The following STAC2 variants were observed in gnomAD, a reference collection of about 807,000 sequenced individuals.
The protein encoded by STAC2 is SH3 and cysteine rich domain 2, also known as SH3 and cysteine-rich domain-containing protein 2.
In STAC2, 36 loss-of-function variants were observed where a neutral mutation model predicts 49.0. The ratio of observed to expected loss-of-function variants is 0.74; its 90% CI spans 0.56 to 0.97. The LOEUF is 0.97. Among genes scored for constraint, STAC2 ranks in the 50% least tolerant of loss-of-function variants. STAC2 has a pLI of 0.00. For missense variants in STAC2, 527 were observed against 543.8 expected (o/e 0.97, Z 0.31); for synonymous variants, 239 against 214.7 (o/e 1.11, Z -0.99).
chr17:39,212,207 T>A lies in STAC2; in HGVS notation c.*85A>T. ...GGACAGAGGGAGGAAGGGTATGGAG[T>A]GGACAAGGGGGCCTGATCCCCTCCC... On this transcript the variant is annotated 3_prime_UTR_variant, in exon 11 of 11. Coordinates refer to ENST00000333461, the MANE Select transcript of STAC2 (RefSeq NM_198993.5). 2.1e-6 allele frequency: 2 copies of A among 951,554 alleles called. No homozygotes were observed. Among genetic ancestry groups the A allele is most frequent in the South Asian group, 3.0e-5 (2 of 67,246 alleles). 58.9% of individuals were successfully genotyped at this position (951,554 alleles called of 1,614,324 possible). A position where few individuals can be genotyped will look rare whatever the true frequency, so the allele number is the denominator to read the frequency against.
At position 39,225,279 on chromosome 17, in the gene STAC2, A is replaced by G. The variant is rs2046501356; in HGVS notation, c.90+134T>C. ...TCGCCAACCCACTCCTACCCCCGGG[A>G]GCGGCGCGGAGCCTCAGTGGTCACG... On this transcript the variant is annotated intron_variant, in intron 1 of 10. Transcript: ENST00000333461. The surrounding 1 kb of genome is among the most constrained non-coding windows in gnomAD (Gnocchi z 8.2). 3.0e-6 allele frequency: 2 copies of G among 677,412 alleles called. No homozygotes were observed. Among genetic ancestry groups the G allele is most frequent in the Non-Finnish European group, 2.3e-6 (1 of 426,738 alleles). The allele number at this position is 677,412 out of a possible 1,614,324, so 42.0% of individuals were successfully genotyped here.
intron 1 of STAC2, among the ~76,000 whole-genome samples, 156 bp from the exon 2 acceptor site, chr17:39,218,329 G>A (rs2046429127): frequency 6.6e-6 from 1 of 152,126 alleles, no homozygotes; most frequent in South Asian, 2.1e-4. Flanking sequence ...GCAACAGAGA[G>A]GCTCCCCAGG....
intron 10 of STAC2, 129 bp downstream of exon 10, chr17:39,212,866 A>G (rs2046366170): frequency 6.9e-7 from 1 of 1,452,064 alleles, no homozygotes; most frequent in Non-Finnish European, 9.2e-7. Flanking sequence ...CTTTCTTTCT[A>G]ACCCGCTTTC....
chr17:39,212,809 AC>A (rs1172835099), intron 10 of STAC2, among the ~76,000 whole-genome samples, 185 bp downstream of exon 10: 1 of 152,242 alleles, frequency 6.6e-6, no homozygotes, highest in African/African-American at 2.4e-5. Flanking sequence ...TCTGTTGGTC[AC>A]CAGCCCAAAT....
Position 39,212,640 on chromosome 17 carries a change from T to C in STAC2, c.1132-244A>G, listed in dbSNP as rs116538981. ...TGACCTTGGAGATTAGCCGCTGTAC[T>C]GCCCTGCCTCACCCCCATCACAGAG... On this transcript the variant is annotated intron_variant, in intron 10 of 10. Coordinates refer to ENST00000333461, the MANE Select transcript of STAC2 (RefSeq NM_198993.5). 4.7e-3 allele frequency among the ~76,000 whole-genome samples: 712 copies of C among 152,306 alleles called. 9 individuals are homozygous for C. Among genetic ancestry groups the C allele is most frequent in the African/African-American group, 0.016 (673 of 41,550 alleles).
rs761722716 is a variant in STAC2, at chr17:39,213,524, TAG to T, written c.974_975del (p.Ser325Ter). The T allele has an allele frequency of 9.9e-6, 16 of 1,613,656 alleles. No homozygotes were observed. In the African/African-American group the frequency reaches 2.1e-4, roughly 22 times the overall value. On this transcript the variant is annotated frameshift_variant, in exon 9 of 11. Coordinates refer to ENST00000333461, the MANE Select transcript of STAC2 (RefSeq NM_198993.5). LOFTEE classifies it high-confidence loss of function. The part of the protein sequence containing the change: ...PGDRIMLVDD[S>X]NEDWWKGKIG... ...CAAGTCACCTTCCACCAGTCCTCGT[TAG>T]AGTCATCCACCAGCATGATCCGATC... is the stretch of plus-strand genomic sequence containing the variant.
Position 39,225,142 on chromosome 17 carries a change from C to A in STAC2, c.90+271G>T, listed in dbSNP as rs1036967124. Among the ~76,000 whole-genome samples, 37 of 152,196 alleles carry A rather than the reference C, an allele frequency of 2.4e-4. No individual in the cohort carries two copies. The highest frequency in any genetic ancestry group is 8.7e-4 in the African/African-American group (36 of 41,462). Reference sequence around the variant, plus strand: ...CACCGCTCCACGCGCGCCCTCCGGCCTCGCTGCGCCCATCTCTCCAACGAA... The same window carrying A: ...CACCGCTCCACGCGCGCCCTCCGGCATCGCTGCGCCCATCTCTCCAACGAA... On this transcript the variant is annotated intron_variant, in intron 1 of 10. Coordinates refer to ENST00000333461, the MANE Select transcript of STAC2 (RefSeq NM_198993.5). This position sits in a 1 kb window ranked among gnomAD's most constrained non-coding sequence, Gnocchi z 8.2.
In STAC2 at chr17:39,211,209, GACC is replaced by G. The variant is rs2046351519; in HGVS notation, c.*1080_*1082del. 1 of 152,344 alleles carries G rather than the reference GACC, an allele frequency of 6.6e-6. No homozygotes were observed. Among genetic ancestry groups the G allele is most frequent in the Non-Finnish European group, 1.5e-5 (1 of 68,080 alleles). The allele number at this position is 152,344 out of a possible 1,614,324, so 9.4% of individuals were successfully genotyped here. A position where few individuals can be genotyped will look rare whatever the true frequency, so the allele number is the denominator to read the frequency against. On this transcript the variant is annotated 3_prime_UTR_variant, in exon 11 of 11. Transcript: ENST00000333461. ...CCTGACAGTGAAATGGGTTTGCTTTGACCAAGCACGGGCCAGGATTTTGTTCTC... is the reference window on the plus strand; with the variant it reads ...CCTGACAGTGAAATGGGTTTGCTTTGAAGCACGGGCCAGGATTTTGTTCTC...
chr17:39,225,864 G>GC lies in STAC2; in HGVS notation c.-363dup, dbSNP rs1260461251. On this transcript the variant is annotated 5_prime_UTR_variant, in exon 1 of 11. Transcript: ENST00000333461. The surrounding 1 kb of genome is among the most constrained non-coding windows in gnomAD (Gnocchi z 8.2). ...GCCGGCTCCGCCGTCCGCTGCGCCC[G>GC]CCCCCCATCCCCTCCCCTCCCCCGC... is the stretch of plus-strand genomic sequence containing the variant. The GC allele has an allele frequency of 4.1e-6, 1 of 246,562 alleles. No individual in the cohort carries two copies. The highest frequency in any genetic ancestry group is 7.9e-6 in the Non-Finnish European group (1 of 127,354). The allele number at this position is 246,562 out of a possible 1,614,324, so 15.3% of individuals were successfully genotyped here. A position where few individuals can be genotyped will look rare whatever the true frequency, so the allele number is the denominator to read the frequency against.
Position 39,213,074 on chromosome 17 carries a change from G to T in STAC2, c.1052C>A (p.Pro351Gln). 1 of 1,613,422 alleles carries T rather than the reference G, an allele frequency of 6.2e-7. No homozygotes were observed. The highest frequency in any genetic ancestry group is 8.5e-7 in the Non-Finnish European group (1 of 1,180,032). ...GCAGCAGCGCCAAACATTCTCGCCT[G>T]GCCTCACCCGTTGCACAAAATTAGC... ...FPANFVQRVR[P>Q]GENVWRCCQP... is the part of the protein sequence containing the mutation. Residue 351 changes from proline (P) to glutamine (Q), a missense_variant, in exon 10 of 11, where the codon CCA (proline) becomes CAA (glutamine). Pro to Gln is a moderately conservative substitution (Grantham distance 76, BLOSUM62 -1). Coordinates refer to ENST00000333461, the MANE Select transcript of STAC2 (RefSeq NM_198993.5).
At position 39,211,952 on chromosome 17, in the gene STAC2, C is replaced by T; in HGVS notation, c.*340G>A. On this transcript the variant is annotated 3_prime_UTR_variant, in exon 11 of 11. Transcript: ENST00000333461. ...GTGGGCAGGGGAAGGCTGGGAGAAG[C>T]AGCAAATAAATTCCCCAGGAATCTT... The T allele has an allele frequency of 4.1e-6, 1 of 245,198 alleles. No homozygotes were observed. Among genetic ancestry groups the T allele is most frequent in the South Asian group, 7.1e-5 (1 of 14,084 alleles). The allele number at this position is 245,198 out of a possible 1,614,324, so 15.2% of individuals were successfully genotyped here.
chr17:39,210,735 C>T lies in STAC2; in HGVS notation c.*1557G>A, dbSNP rs519512. On this transcript the variant is annotated 3_prime_UTR_variant, in exon 11 of 11. Coordinates refer to ENST00000333461, the MANE Select transcript of STAC2 (RefSeq NM_198993.5). ...GAAGTGGGGCAGGGGCCTTTGGGTA[C>T]GAGGGTCTGTGTTTCTCCCACTGCA... The T allele has an allele frequency of 0.064, 9,647 of 151,724 alleles. 328 individuals are homozygous for T. Among genetic ancestry groups the T allele is most frequent in the Non-Finnish European group, 0.075 (5,115 of 67,918 alleles). 9.4% of individuals were successfully genotyped at this position (151,724 alleles called of 1,614,324 possible). A position where few individuals can be genotyped will look rare whatever the true frequency, so the allele number is the denominator to read the frequency against.
chr17:39,214,717 A>G (rs905299148), intron 7 of STAC2, 74 bp downstream of exon 7: 7 of 1,531,502 alleles, frequency 4.6e-6, no homozygotes, highest in South Asian at 1.2e-5. Context: ...TTGCCCCCCT[A>G]TGAATCAATG....
In STAC2 at chr17:39,216,790, C is replaced by T. The variant is rs8082152; in HGVS notation, c.586+20G>A. 14,618 of 1,566,246 alleles carry T rather than the reference C, an allele frequency of 9.3e-3. 612 individuals are homozygous for T. In the African/African-American group the frequency reaches 0.12, roughly 13 times the overall value. The stretch of plus-strand genomic sequence containing the variant: ...CCCACCACAATGGGAGCAGGGACTG[C>T]GGCCAGGGGGGGCACTCACCAGTGG... On this transcript the variant is annotated intron_variant, in intron 4 of 10. Coordinates refer to ENST00000333461, the MANE Select transcript of STAC2 (RefSeq NM_198993.5).
Position 39,213,014 on chromosome 17 carries a change from A to T in STAC2, c.1112T>A (p.Met371Lys), listed in dbSNP as rs754637686. 6.2e-7 allele frequency: 1 copy of T among 1,614,008 alleles called. No homozygotes were observed. The highest frequency in any genetic ancestry group is 8.5e-7 in the Non-Finnish European group (1 of 1,180,036). Reference protein sequence around the residue: ...PFSGNKEQGYMSLKENQICVG... With the variant: ...PFSGNKEQGYKSLKENQICVG... Reference sequence around the variant, plus strand: ...ACTCACCTGGTTCTCCTTGAGGCTCATGTAACCCTGTTCCTTGTTCCCGGA... The same window carrying T: ...ACTCACCTGGTTCTCCTTGAGGCTCTTGTAACCCTGTTCCTTGTTCCCGGA... Residue 371 changes from methionine to lysine, a missense_variant, in exon 10 of 11, where the codon ATG becomes AAG. Met to Lys is a moderately conservative substitution (Grantham distance 95). Coordinates refer to ENST00000333461, the MANE Select transcript of STAC2 (RefSeq NM_198993.5).
chr17:39,212,495 G>T, intron 10 of STAC2, 99 bp from the exon 11 acceptor site: 1 of 849,872 alleles, frequency 1.2e-6, no homozygotes. Flanking sequence ...GGGGGATGAT[G>T]GGACCAGTGT....
rs1033901198 is a variant in STAC2, at chr17:39,212,198, G to A, written c.*94C>T. 2 of 850,112 alleles carry A rather than the reference G, an allele frequency of 2.4e-6. No homozygotes were observed. The highest frequency in any genetic ancestry group is 2.2e-5 in the Admixed American group (1 of 45,562). 52.7% of individuals were successfully genotyped at this position (850,112 alleles called of 1,614,324 possible). ...CTAGGAGAGGGACAGAGGGAGGAAG[G>A]GTATGGAGTGGACAAGGGGGCCTGA... On this transcript the variant is annotated 3_prime_UTR_variant, in exon 11 of 11. Transcript: ENST00000333461.
chr17:39,213,669 A>ATTTTTTTTTTTTTTTTTT, intron 8 of STAC2, 111 bp from the exon 9 acceptor site: 1 of 490,770 alleles, frequency 2.0e-6, no homozygotes, highest in African/African-American at 2.3e-5. Flanking sequence ...GGGAGAGACG[A>ATTTTTTTTTTTTTTTTTT]TTCTTTTTTT....
At chr17:39,212,960 C>T (rs375904743) in intron 10 of STAC2, 35 bp downstream of exon 10, 14 of 1,607,382 alleles carry the variant, frequency 8.7e-6, no homozygotes, top group African/African-American at 8.0e-5. Flanking sequence ...TCCCTCCCTC[C>T]GCCATAGGGC....
Sources: gnomAD v4.1 joint callset for allele counts (sites outside exome capture counted in the v4.1 genomes callset) on GRCh38, gnomAD v4.1.1 for gene constraint, Gnocchi (gnomAD v3.1) non-coding constraint, MANE v1.5 for transcripts, NCBI Gene and HGNC (gene_info 2026-07-23, HGNC 2026-07-21) for gene names.